Variants in AKR1C3 observed in about 807,000 individuals in gnomAD.
AKR1C3 encodes 3-alpha hydroxysteroid dehydrogenase, type II.
AKR1C3 carries 48 observed loss-of-function variants against 43.6 expected under a neutral mutation model. The observed-to-expected ratio is 1.10, with a 90% CI of 0.87 to 1.40. The LOEUF (loss-of-function observed/expected upper bound fraction) is 1.40, where lower values mean the gene tolerates loss of function less well. AKR1C3 is among the 40% of genes most tolerant of loss of function. The probability of loss-of-function intolerance (pLI) is 0.00; values close to 1 mark genes in which losing one functional copy is unlikely to be tolerated. For missense variants in AKR1C3, 482 were observed against 391.2 expected (o/e 1.23, Z -1.96); for synonymous variants, 162 against 139.6 (o/e 1.16, Z -1.13).
chr10:5,053,603 G>A (rs1588329086), intron 1 of AKR1C3, among the ~76,000 whole-genome samples: 1 of 152,346 alleles, frequency 6.6e-6, no homozygotes, highest in African/African-American at 2.4e-5. Flanking sequence ...AGGCACCAAG[G>A]CCAAGGAGGC....
chr10:5,067,366 A>G (rs938110150), intron 1 of AKR1C3, among the ~76,000 whole-genome samples: 2 of 152,170 alleles, frequency 1.3e-5, no homozygotes, highest in Non-Finnish European at 2.9e-5. Context: ...TTCCCTGGTT[A>G]GTTTTACCTT....
At chr10:5,060,298 C>G in intron 1 of AKR1C3, among the ~76,000 whole-genome samples, 1 of 152,148 alleles carries the variant, frequency 6.6e-6, no homozygotes, top group African/African-American at 2.4e-5. Context: ...TTTTCTGGTC[C>G]CACCCACATC....
At chr10:5,088,740 C>T (rs1839024962) in intron 1 of AKR1C3, among the ~76,000 whole-genome samples, 2 of 151,122 alleles carry the variant, frequency 1.3e-5, no homozygotes, top group Non-Finnish European at 3.0e-5. Context: ...GCTGTTGGGT[C>T]TTGTCCTTTT....
chr10:5,084,480 C>G (rs1272804769), intron 1 of AKR1C3, among the ~76,000 whole-genome samples: 2 of 151,708 alleles, frequency 1.3e-5, no homozygotes, highest in African/African-American at 4.9e-5. Context: ...GTTACTGTAG[C>G]CTTGTAGTAT....
chr10:5,066,342 G>A (rs1554780796), intron 1 of AKR1C3, among the ~76,000 whole-genome samples: 1 of 152,040 alleles, frequency 6.6e-6, no homozygotes, highest in East Asian at 1.9e-4. Context: ...TTTTGATCAG[G>A]TTCTCACTTA....
chr10:5,064,990 G>T (rs902304102), intron 1 of AKR1C3, among the ~76,000 whole-genome samples: 9 of 151,294 alleles, frequency 5.9e-5, no homozygotes, highest in Admixed American at 4.6e-4. Context: ...CATACTTGTG[G>T]CAAACAAGCA....
At chr10:5,104,844 TTTTTG>T (rs1306524868) in intron 7 of AKR1C3, among the ~76,000 whole-genome samples, 3 of 152,290 alleles carry the variant, frequency 2.0e-5, no homozygotes, top group African/African-American at 7.2e-5. Context: ...AACGTTTTCC[TTTTTG>T]TTTTGTGGAT....
At chr10:5,086,022 A>G (rs1251221553) in intron 1 of AKR1C3, among the ~76,000 whole-genome samples, 1 of 151,656 alleles carries the variant, frequency 6.6e-6, no homozygotes, top group Non-Finnish European at 1.5e-5. Context: ...TTTTCAAAAA[A>G]CCAGCTCCTG....
chr10:5,081,222 GAA>G (rs1554782316), intron 1 of AKR1C3, among the ~76,000 whole-genome samples: 1 of 152,162 alleles, frequency 6.6e-6, no homozygotes, highest in African/African-American at 2.4e-5. Context: ...GCAGCTATAA[GAA>G]AGTGGCCTGT....
chr10:5,090,413 A>G (rs1839065395), upstream of AKR1C3, among the ~76,000 whole-genome samples: 1 of 151,936 alleles, frequency 6.6e-6, no homozygotes, highest in Non-Finnish European at 1.5e-5. Flanking sequence ...GGGCCTTGTG[A>G]CTCTCAGTTC....
intron 1 of AKR1C3, among the ~76,000 whole-genome samples, chr10:5,066,314 A>G (rs7100778): frequency 0.57 from 86,365 of 151,884 alleles, 25,540 homozygotes; most frequent in East Asian, 0.79. Flanking sequence ...CTATCATTTC[A>G]TTTCAGAAAT....
chr10:5,054,786 G>C (rs1554779369), intron 1 of AKR1C3, among the ~76,000 whole-genome samples: 1 of 151,794 alleles, frequency 6.6e-6, no homozygotes, highest in Non-Finnish European at 1.5e-5. Flanking sequence ...CTTCCCCTCT[G>C]TCTCTTTCTT....
chr10:5,107,388 T>G, intron 8 of AKR1C3, 73 bp from the exon 9 acceptor site: 1 of 1,078,372 alleles, frequency 9.3e-7, no homozygotes. Flanking sequence ...AATGACAGCT[T>G]CATTGAAATC....
upstream of AKR1C3, among the ~76,000 whole-genome samples, chr10:5,091,673 T>G (rs182444445): frequency 4.6e-5 from 7 of 152,248 alleles, no homozygotes; most frequent in Admixed American, 3.9e-4. Flanking sequence ...CAATGCCAAT[T>G]TAACTGCAAT....
upstream of AKR1C3, chr10:5,093,710 A>G (rs1171076987): frequency 6.6e-6 from 1 of 152,156 alleles, no homozygotes; most frequent in Non-Finnish European, 1.5e-5. Flanking sequence ...CTGCTTGCAT[A>G]TATTAAATGA....
chr10:5,077,457 C>G (rs909570883), intron 1 of AKR1C3, among the ~76,000 whole-genome samples: 2 of 152,132 alleles, frequency 1.3e-5, no homozygotes, highest in Non-Finnish European at 2.9e-5. Context: ...TGGAGTTCCA[C>G]AATTCCCATT....
intron 1 of AKR1C3, among the ~76,000 whole-genome samples, chr10:5,066,243 T>TTTTGG (rs1554780791): frequency 6.6e-6 from 1 of 152,212 alleles, no homozygotes. Context: ...AGCGACTCCA[T>TTTTGG]TTTGGTTTGG....
At chr10:5,101,966 A>G in intron 5 of AKR1C3, 135 bp from the exon 6 acceptor site, 1 of 596,370 alleles carries the variant, frequency 1.7e-6, no homozygotes, top group South Asian at 2.4e-5. Flanking sequence ...GAAAAAGGTT[A>G]TTACTTGACA....
At chr10:5,057,435 C>A (rs1419856076) in intron 1 of AKR1C3, among the ~76,000 whole-genome samples, 2 of 152,156 alleles carry the variant, frequency 1.3e-5, no homozygotes, top group African/African-American at 2.4e-5. Flanking sequence ...GGGCCCAGGG[C>A]TTGCTTTTGG....
Sources: gnomAD v4.1 joint callset for allele counts (sites outside exome capture counted in the v4.1 genomes callset) on GRCh38, gnomAD v4.1.1 for gene constraint, MANE v1.5 for transcripts, NCBI Gene and HGNC (gene_info 2026-07-23, HGNC 2026-07-21) for gene names.